Variants in MARCHF8 observed in about 807,000 individuals in gnomAD.
MARCHF8 encodes membrane associated ring-CH-type finger 8, also known as E3 ubiquitin-protein ligase MARCHF8.
MARCHF8 carries 40 observed loss-of-function variants against 51.6 expected under a neutral mutation model. The ratio of observed to expected loss-of-function variants is 0.77; its 90% CI spans 0.60 to 1.01. The LOEUF is 1.01. Among genes scored for constraint, MARCHF8 ranks in the 50% least tolerant of loss-of-function variants. The pLI is 0.00. For synonymous variants in MARCHF8, 263 were observed against 280.3 expected (o/e 0.94, Z 0.62); for missense variants, 685 against 708.6 (o/e 0.97, Z 0.38).
intron 3 of MARCHF8, among the ~76,000 whole-genome samples, chr10:45,482,322 C>T (rs2042902549): frequency 6.6e-6 from 1 of 152,102 alleles, no homozygotes; most frequent in Non-Finnish European, 1.5e-5. Context: ...AATCCTAAAA[C>T]CATATGGAAC....
chr10:45,533,250 G>A lies in MARCHF8; in HGVS notation c.-39C>T, dbSNP rs58437785. The A allele has an allele frequency of 1.9e-6, 3 of 1,576,956 alleles. No homozygotes were observed. Among genetic ancestry groups the A allele is most frequent in the Admixed American group, 2.0e-5 (1 of 50,884 alleles). ...CTGGTCGTCTTCTTCACAGAAGAGA[G>A]TCTCCACTGGTAGAGTCATTTTGGG... On this transcript the variant is annotated 5_prime_UTR_variant, in exon 2 of 8. Transcript: ENST00000453424.
chr10:45,500,760 T>C (rs764177068), intron 2 of MARCHF8, among the ~76,000 whole-genome samples: 9 of 152,072 alleles, frequency 5.9e-5, no homozygotes, highest in Non-Finnish European at 1.3e-4. Context: ...AATGCTTATG[T>C]AGAAAATCCT....
At chr10:45,559,816 G>T (rs1432567747) in intron 1 of MARCHF8, among the ~76,000 whole-genome samples, 1 of 152,094 alleles carries the variant, frequency 6.6e-6, no homozygotes, top group Non-Finnish European at 1.5e-5. Context: ...ATATATTTCT[G>T]CAACTGGGTC....
chr10:45,580,931 G>A (rs2044548732), intron 1 of MARCHF8, among the ~76,000 whole-genome samples: 1 of 152,066 alleles, frequency 6.6e-6, no homozygotes, highest in African/African-American at 2.4e-5. Context: ...CCTGACTCCA[G>A]CTCTGCCCTA....
chr10:45,501,797 T>A (rs1194388006), intron 2 of MARCHF8, among the ~76,000 whole-genome samples: 6 of 152,088 alleles, frequency 3.9e-5, no homozygotes, highest in African/African-American at 1.4e-4. Flanking sequence ...TGAACATTTT[T>A]AAAAATCCAA....
intron 2 of MARCHF8, among the ~76,000 whole-genome samples, chr10:45,511,669 C>T (rs1337542872): frequency 2.6e-5 from 4 of 152,346 alleles, no homozygotes; most frequent in Non-Finnish European, 4.4e-5. Context: ...CTCGGCCTCC[C>T]GAGGTGCTGG....
chr10:45,562,893 G>C (rs886736213), intron 1 of MARCHF8, among the ~76,000 whole-genome samples: 1 of 151,736 alleles, frequency 6.6e-6, no homozygotes, highest in Non-Finnish European at 1.5e-5. Context: ...TTAAAGTACA[G>C]TTGACCCTTT....
chr10:45,498,338 A>T (rs568714788), intron 2 of MARCHF8, among the ~76,000 whole-genome samples: 3 of 152,234 alleles, frequency 2.0e-5, no homozygotes, highest in East Asian at 1.9e-4. Context: ...ATTTTTAAAA[A>T]TTTTTACTTT....
intron 1 of MARCHF8, among the ~76,000 whole-genome samples, chr10:45,554,038 C>T (rs1482062511): frequency 6.6e-6 from 1 of 151,950 alleles, no homozygotes; most frequent in Non-Finnish European, 1.5e-5. Flanking sequence ...ATGAAATGAC[C>T]CTAAATATTT....
intron 1 of MARCHF8, among the ~76,000 whole-genome samples, chr10:45,551,336 T>C (rs1291002362): frequency 6.6e-6 from 1 of 152,200 alleles, no homozygotes. Flanking sequence ...AGTGGGAAGA[T>C]ACACAGAAAG....
chr10:45,528,194 C>T (rs1284210673), intron 2 of MARCHF8, among the ~76,000 whole-genome samples: 1 of 152,078 alleles, frequency 6.6e-6, no homozygotes, highest in Non-Finnish European at 1.5e-5. Context: ...TGGAAGAAGA[C>T]AAGGATCCCC....
intron 1 of MARCHF8, among the ~76,000 whole-genome samples, chr10:45,586,469 T>A (rs1288224314): frequency 1.3e-5 from 2 of 152,162 alleles, no homozygotes; most frequent in Non-Finnish European, 1.5e-5. Context: ...ACAAGTCATT[T>A]GTGAATTTAA....
intron 2 of MARCHF8, among the ~76,000 whole-genome samples, chr10:45,530,764 T>G (rs909997666): frequency 6.6e-6 from 1 of 151,980 alleles, no homozygotes; most frequent in Non-Finnish European, 1.5e-5. Context: ...CAGAGCAAGA[T>G]CTGTACTCAA....
chr10:45,534,177 C>A (rs1195193263), intron 1 of MARCHF8, among the ~76,000 whole-genome samples: 1 of 150,758 alleles, frequency 6.6e-6, no homozygotes, highest in Non-Finnish European at 1.5e-5. Context: ...AGCGAGACTC[C>A]AACCCCCCAA....
At position 45,458,289 on chromosome 10, in the gene MARCHF8, A is replaced by G. The variant is rs746812877; in HGVS notation, c.1672T>C (p.Ser558Pro). The change falls in exon 8 of 8, where the codon TCT becomes CCT. Residue 558 changes from serine (S) to proline (P), a missense_variant. Ser to Pro is a moderately conservative substitution (Grantham distance 74). Coordinates refer to ENST00000453424, the MANE Select transcript of MARCHF8 (RefSeq NM_001282866.2). ...GTGTCTTCAGGCTCTGTGCAACAAG[A>G]AGAGTTTGTGTCGGAATGACAGATT... is the stretch of plus-strand genomic sequence containing the variant. Reference protein sequence around the residue: ...YGICHSDTNSSCCTEPEDTGA... With the variant: ...YGICHSDTNSPCCTEPEDTGA... 128 of 1,613,972 alleles carry G rather than the reference A, an allele frequency of 7.9e-5. No homozygotes were observed. Among genetic ancestry groups the G allele is most frequent in the Non-Finnish European group, 1.1e-4 (126 of 1,180,022 alleles).
chr10:45,455,711 T>C lies in MARCHF8; in HGVS notation c.*2528A>G, dbSNP rs1261974303. 1 of 152,140 alleles carries C rather than the reference T, an allele frequency of 6.6e-6. No individual in the cohort carries two copies. Among genetic ancestry groups the C allele is most frequent in the African/African-American group, 2.4e-5 (1 of 41,400 alleles). The allele number at this position is 152,140 out of a possible 1,614,324, so 9.4% of individuals were successfully genotyped here. A position where few individuals can be genotyped will look rare whatever the true frequency, so the allele number is the denominator to read the frequency against. On this transcript the variant is annotated 3_prime_UTR_variant, in exon 8 of 8. Coordinates refer to ENST00000453424, the MANE Select transcript of MARCHF8 (RefSeq NM_001282866.2). Reference sequence around the variant, plus strand: ...TGCTAGATGCAGGGGGCTAGAAGGGTCTGATGAATCAGGAGCTGAACTAGA... The same window carrying C: ...TGCTAGATGCAGGGGGCTAGAAGGGCCTGATGAATCAGGAGCTGAACTAGA...
At position 45,462,450 on chromosome 10, in the gene MARCHF8, G is replaced by A. The variant is rs192156808; in HGVS notation, c.1088+701C>T. ...CTTTTGGGGGTAGGTAGGGAGCAAG[G>A]GTTAAAAAAGAGGCTGGGAGATGCA... On this transcript the variant is annotated intron_variant, in intron 5 of 7. Transcript: ENST00000453424. Among the ~76,000 whole-genome samples the A allele has an allele frequency of 1.2e-4, 18 of 152,194 alleles. No individual in the cohort carries two copies. The East Asian group carries it at 3.1e-3, about 26-fold the overall frequency.
At chr10:45,511,786 G>C in intron 2 of MARCHF8, among the ~76,000 whole-genome samples, 1 of 152,064 alleles carries the variant, frequency 6.6e-6, no homozygotes. Context: ...CGCCTGCCTT[G>C]GCCTCCCAAA....
In MARCHF8 at chr10:45,545,993, A is replaced by G. The variant is rs144444134; in HGVS notation, c.-78-12704T>C. ...TGAAAGCTCTGAGAAATTTCAGGGAAGATGACAGAGAAACACCACAAGGTC... is the reference window on the plus strand; with the variant it reads ...TGAAAGCTCTGAGAAATTTCAGGGAGGATGACAGAGAAACACCACAAGGTC... On this transcript the variant is annotated intron_variant, in intron 1 of 6. Transcript: ENST00000319836. Among the ~76,000 whole-genome samples the G allele has an allele frequency of 4.4e-3, 669 of 152,290 alleles. 4 individuals carry two copies. Among genetic ancestry groups the G allele is most frequent in the African/African-American group, 0.015 (639 of 41,558 alleles).
Sources: allele counts gnomAD v4.1 joint callset (sites outside exome capture counted in the v4.1 genomes callset), GRCh38; gene constraint gnomAD v4.1.1; transcripts MANE v1.5; gene names NCBI Gene and HGNC (gene_info 2026-07-23, HGNC 2026-07-21).